NKX2-3: variants seen among roughly 807,000 people sequenced by gnomAD.
NKX2-3 encodes homeobox protein Nkx-2.3.
A neutral mutation model predicts 14.2 loss-of-function variants in NKX2-3; 3 were observed. That is an observed-to-expected ratio of 0.21 (90% CI 0.10 to 0.55). The LOEUF (loss-of-function observed/expected upper bound fraction) is 0.55, where lower values mean the gene tolerates loss of function less well. NKX2-3 is among the 20% of genes least tolerant of loss of function. NKX2-3 has a pLI of 0.94. For missense variants in NKX2-3, 511 were observed against 514.5 expected (o/e 0.99, Z 0.06); for synonymous variants, 276 against 234.2 (o/e 1.18, Z -1.63).
In NKX2-3 at chr10:99,535,727, G is replaced by A; in HGVS notation, c.*6G>A. 6.5e-7 allele frequency: 1 copy of A among 1,530,326 alleles called. No individual in the cohort carries two copies. The highest frequency in any genetic ancestry group is 1.2e-5 in the South Asian group (1 of 83,818). 94.8% of individuals were successfully genotyped at this position (1,530,326 alleles called of 1,614,324 possible). On this transcript the variant is annotated 3_prime_UTR_variant, in exon 2 of 2. Coordinates refer to ENST00000344586, the MANE Select transcript of NKX2-3 (RefSeq NM_145285.3). ...AGGGCATCCGGGCCTGGTAGGGACG[G>A]GGCGGGTCACGCGGCGGGCACCCCA... is the stretch of plus-strand genomic sequence containing the variant.
Position 99,536,019 on chromosome 10 carries a change from C to T in NKX2-3, c.*298C>T, listed in dbSNP as rs1192161120. 1.3e-5 allele frequency: 5 copies of T among 399,096 alleles called. No homozygotes were observed. The highest frequency in any genetic ancestry group is 4.6e-5 in the East Asian group (1 of 21,744). 24.7% of individuals were successfully genotyped at this position (399,096 alleles called of 1,614,324 possible). A position where few individuals can be genotyped will look rare whatever the true frequency, so the allele number is the denominator to read the frequency against. ...GAGACCAGGAGGCTAGGACCCTGGC[C>T]GCGCTTGGTTCTTCCAAAGCGAGAA... On this transcript the variant is annotated 3_prime_UTR_variant, in exon 2 of 2. Coordinates refer to ENST00000344586, the MANE Select transcript of NKX2-3 (RefSeq NM_145285.3).
chr10:99,534,055 G>C (rs1388709622), intron 1 of NKX2-3, among the ~76,000 whole-genome samples: 1 of 152,206 alleles, frequency 6.6e-6, no homozygotes, highest in South Asian at 2.1e-4. Flanking sequence ...CGTGGCACTC[G>C]GTAGAGAGAG....
rs1243812734 is a variant in NKX2-3, at chr10:99,535,595, C to G, written c.969C>G (p.Gly323=). 2 of 1,510,046 alleles carry G rather than the reference C, an allele frequency of 1.3e-6. No individual in the cohort carries two copies. Among genetic ancestry groups the G allele is most frequent in the Admixed American group, 4.2e-5 (2 of 47,860 alleles). 93.5% of individuals were successfully genotyped at this position (1,510,046 alleles called of 1,614,324 possible). A position where few individuals can be genotyped will look rare whatever the true frequency, so the allele number is the denominator to read the frequency against. The part of the protein sequence containing the change: ...MQPACSAAGG[G]PFVNVSNLGG... The stretch of plus-strand genomic sequence containing the variant: ...CCGCCTGCAGCGCGGCCGGAGGCGG[C>G]CCCTTTGTGAACGTGAGCAACCTAG... Residue 323 remains glycine (G), a synonymous_variant, in exon 2 of 2, where the codon GGC becomes GGG. Coordinates refer to ENST00000344586, the MANE Select transcript of NKX2-3 (RefSeq NM_145285.3).
Position 99,535,668 on chromosome 10 carries a change from G to T in NKX2-3, c.1042G>T (p.Ala348Ser). The T allele has an allele frequency of 6.5e-7, 1 of 1,537,430 alleles. No homozygotes were observed. The highest frequency in any genetic ancestry group is 8.7e-7 in the Non-Finnish European group (1 of 1,145,718). Residue 348 changes from alanine (A) to serine (S), a missense_variant, in exon 2 of 2, where the codon GCA (alanine) becomes TCA (serine). Around this residue, in one of 3 missense-constraint regions of NKX2-3, gnomAD observed 264 missense variants for 254.7 expected, o/e 1.04. Transcript: ENST00000344586. ...GSAQPLHQGT[A>S]AGAACAQGTL... ...CGCACAGCCGTTGCACCAGGGTACTGCAGCCGGGGCCGCGTGCGCTCAGGG... is the reference window on the plus strand; with the variant it reads ...CGCACAGCCGTTGCACCAGGGTACTTCAGCCGGGGCCGCGTGCGCTCAGGG...
rs1411936393 is a variant in NKX2-3 at position 99,535,190 on chromosome 10, A to T, written c.564A>T (p.Thr188=). The change falls in exon 2 of 2, where the codon ACA becomes ACT. Residue 188 remains threonine, a synonymous_variant. Coordinates refer to ENST00000344586, the MANE Select transcript of NKX2-3 (RefSeq NM_145285.3). ...ACCTCGCCAGCAGCCTGAAGCTCAC[A>T]TCCACTCAGGTGAAAATCTGGTTCC... is the stretch of plus-strand genomic sequence containing the variant. ...REHLASSLKL[T]STQVKIWFQN... is the part of the protein sequence containing the mutation. The T allele has an allele frequency of 6.2e-7, 1 of 1,613,452 alleles. No homozygotes were observed.
rs1310976755 is a variant in NKX2-3, at chr10:99,535,614, A to G, written c.988A>G (p.Asn330Asp). 5 of 1,518,692 alleles carry G rather than the reference A, an allele frequency of 3.3e-6. No homozygotes were observed. The highest frequency in any genetic ancestry group is 4.4e-6 in the Non-Finnish European group (5 of 1,137,564). The allele number at this position is 1,518,692 out of a possible 1,614,324, so 94.1% of individuals were successfully genotyped here. Residue 330 changes from asparagine (N) to aspartate (D), a missense_variant, in exon 2 of 2, where the codon AAC becomes GAC. Coordinates refer to ENST00000344586, the MANE Select transcript of NKX2-3 (RefSeq NM_145285.3). ...AGGGPFVNVS[N>D]LGGFGSGGSA... is the part of the protein sequence containing the mutation. ...AGGCGGCCCCTTTGTGAACGTGAGC[A>G]ACCTAGGAGGCTTCGGCAGCGGCGG... is the stretch of plus-strand genomic sequence containing the variant.
Position 99,535,439 on chromosome 10 carries a change from C to CGCG in NKX2-3, c.816_818dup (p.Ala286dup), listed in dbSNP as rs768042683. On this transcript the variant is annotated inframe_insertion, in exon 2 of 2. Transcript: ENST00000344586. ...CCGCCTACGGCTATGGGAACTCGGCCGCGGCCGCCGCCGCCGCCGCCGCCG... is the reference window on the plus strand; with the variant it reads ...CCGCCTACGGCTATGGGAACTCGGCCGCGGCGGCCGCCGCCGCCGCCGCCGCCG... 7.9e-7 allele frequency: 1 copy of CGCG among 1,263,916 alleles called. No homozygotes were observed. Among genetic ancestry groups the CGCG allele is most frequent in the South Asian group, 1.8e-5 (1 of 55,934 alleles). The allele number at this position is 1,263,916 out of a possible 1,614,324, so 78.3% of individuals were successfully genotyped here.
chr10:99,535,271 C>G lies in NKX2-3; in HGVS notation c.645C>G (p.Gly215=). ...RQRQDKSLEL[G]AHAPPPPPRR... ...GGCAGGACAAGTCTCTGGAGCTTGG[C>G]GCACACGCGCCCCCGCCGCCGCCGC... Residue 215 remains glycine, a synonymous_variant, in exon 2 of 2, where the codon GGC becomes GGG. Coordinates refer to ENST00000344586, the MANE Select transcript of NKX2-3 (RefSeq NM_145285.3). 2 of 1,600,096 alleles carry G rather than the reference C, an allele frequency of 1.2e-6. No homozygotes were observed. The highest frequency in any genetic ancestry group is 8.5e-7 in the Non-Finnish European group (1 of 1,174,342).
chr10:99,535,772 G>A lies in NKX2-3; in HGVS notation c.*51G>A, dbSNP rs966300123. On this transcript the variant is annotated 3_prime_UTR_variant, in exon 2 of 2. Coordinates refer to ENST00000344586, the MANE Select transcript of NKX2-3 (RefSeq NM_145285.3). ...ACCCCAGCGCAGCCTGGCGCCGCGG[G>A]ACTGAAGCTCGAGAAGGGCCTGACC... The A allele has an allele frequency of 7.3e-6, 11 of 1,501,840 alleles. No individual in the cohort carries two copies. The highest frequency in any genetic ancestry group is 8.8e-6 in the Non-Finnish European group (10 of 1,133,416). The allele number at this position is 1,501,840 out of a possible 1,614,324, so 93.0% of individuals were successfully genotyped here. A position where few individuals can be genotyped will look rare whatever the true frequency, so the allele number is the denominator to read the frequency against.
In NKX2-3 at chr10:99,533,068, C is replaced by T. The variant is rs2033927447; in HGVS notation, c.-64C>T. ...CGGAGTCCAGGAGGAGAGCTGGAGCCGCCGCGCTGCCTCCCCGCCCCCGCC... is the reference window on the plus strand; with the variant it reads ...CGGAGTCCAGGAGGAGAGCTGGAGCTGCCGCGCTGCCTCCCCGCCCCCGCC... On this transcript the variant is annotated 5_prime_UTR_variant, in exon 1 of 2. Transcript: ENST00000344586. 1 of 1,239,240 alleles carries T rather than the reference C, an allele frequency of 8.1e-7. No individual in the cohort carries two copies. Among genetic ancestry groups the T allele is most frequent in the Non-Finnish European group, 1.1e-6 (1 of 881,784 alleles). 76.8% of individuals were successfully genotyped at this position (1,239,240 alleles called of 1,614,324 possible). A position where few individuals can be genotyped will look rare whatever the true frequency, so the allele number is the denominator to read the frequency against.
Position 99,535,733 on chromosome 10 carries a change from GT to G in NKX2-3, c.*13del. 6.5e-7 allele frequency: 1 copy of G among 1,528,928 alleles called. No homozygotes were observed. Among genetic ancestry groups the G allele is most frequent in the Non-Finnish European group, 8.7e-7 (1 of 1,143,642 alleles). 94.7% of individuals were successfully genotyped at this position (1,528,928 alleles called of 1,614,324 possible). ...TCCGGGCCTGGTAGGGACGGGGCGGGTCACGCGGCGGGCACCCCAGCGCAGC... is the reference window on the plus strand; with the variant it reads ...TCCGGGCCTGGTAGGGACGGGGCGGGCACGCGGCGGGCACCCCAGCGCAGC... On this transcript the variant is annotated 3_prime_UTR_variant, in exon 2 of 2. Transcript: ENST00000344586.
Position 99,535,481 on chromosome 10 carries a change from G to T in NKX2-3, c.855G>T (p.Ala285=). ...CCGCCGCCGCCGCCGCAGCAGCGGC[G>T]GCCTACAGCAGCAGCTATGGCTGTG... is the stretch of plus-strand genomic sequence containing the variant. ...AAAAAAAAAA[A]AYSSSYGCAY... The change falls in exon 2 of 2, where the codon GCG becomes GCT. Residue 285 remains alanine, a synonymous_variant. Coordinates refer to ENST00000344586, the MANE Select transcript of NKX2-3 (RefSeq NM_145285.3). 2 of 1,206,942 alleles carry T rather than the reference G, an allele frequency of 1.7e-6. No individual in the cohort carries two copies. The highest frequency in any genetic ancestry group is 1.0e-6 in the Non-Finnish European group (1 of 965,892). 74.8% of individuals were successfully genotyped at this position (1,206,942 alleles called of 1,614,324 possible).
At position 99,535,487 on chromosome 10, in the gene NKX2-3, C is replaced by T; in HGVS notation, c.861C>T (p.Tyr287=). ...AAAAAAAAAA[Y]SSSYGCAYPA... ...CCGCCGCCGCAGCAGCGGCGGCCTA[C>T]AGCAGCAGCTATGGCTGTGCGTACC... The change falls in exon 2 of 2, where the codon TAC becomes TAT. Residue 287 remains tyrosine, a synonymous_variant. Coordinates refer to ENST00000344586, the MANE Select transcript of NKX2-3 (RefSeq NM_145285.3). The T allele has an allele frequency of 8.2e-7, 1 of 1,225,342 alleles. No individual in the cohort carries two copies. Among genetic ancestry groups the T allele is most frequent in the Non-Finnish European group, 1.0e-6 (1 of 977,048 alleles). 75.9% of individuals were successfully genotyped at this position (1,225,342 alleles called of 1,614,324 possible).
Position 99,534,997 on chromosome 10 carries a change from T to G in NKX2-3, c.371T>G (p.Leu124Arg), listed in dbSNP as rs748391470. ...GCTTCTTCCGCAGAAAGCTGCCAGC[T>G]GAAGAAGTCTCTAGAGACGGCCGGA... ...VRDRSQKSCQ[L>R]KKSLETAGDC... The change falls in exon 2 of 2, where the codon CTG becomes CGG. Residue 124 changes from leucine to arginine, a missense_variant. Leu to Arg is a moderately radical substitution (Grantham distance 102, BLOSUM62 -2). Transcript: ENST00000344586. The G allele has an allele frequency of 6.2e-7, 1 of 1,600,318 alleles. No homozygotes were observed. Among genetic ancestry groups the G allele is most frequent in the Admixed American group, 1.7e-5 (1 of 58,476 alleles).
At position 99,535,055 on chromosome 10, in the gene NKX2-3, G is replaced by A; in HGVS notation, c.429G>A (p.Pro143=). ...AGGCGGCGGAGGAGAGCGAGAGGCC[G>A]AAGCCACGCAGCCGCCGGAAGCCCC... ...DCKAAEESER[P]KPRSRRKPRV... The change falls in exon 2 of 2, where the codon CCG becomes CCA. Residue 143 remains proline (P), a synonymous_variant. Coordinates refer to ENST00000344586, the MANE Select transcript of NKX2-3 (RefSeq NM_145285.3). 2 of 1,606,722 alleles carry A rather than the reference G, an allele frequency of 1.2e-6. No homozygotes were observed. Among genetic ancestry groups the A allele is most frequent in the East Asian group, 2.2e-5 (1 of 44,580 alleles).
Position 99,533,073 on chromosome 10 carries a change from C to T in NKX2-3, c.-59C>T. ...TCCAGGAGGAGAGCTGGAGCCGCCGCGCTGCCTCCCCGCCCCCGCCGGGAT... is the reference window on the plus strand; with the variant it reads ...TCCAGGAGGAGAGCTGGAGCCGCCGTGCTGCCTCCCCGCCCCCGCCGGGAT... On this transcript the variant is annotated 5_prime_UTR_variant, in exon 1 of 2. Coordinates refer to ENST00000344586, the MANE Select transcript of NKX2-3 (RefSeq NM_145285.3). 1.5e-6 allele frequency: 2 copies of T among 1,296,078 alleles called. No individual in the cohort carries two copies. Among genetic ancestry groups the T allele is most frequent in the East Asian group, 2.3e-5 (1 of 42,872 alleles). The allele number at this position is 1,296,078 out of a possible 1,614,324, so 80.3% of individuals were successfully genotyped here.
chr10:99,535,137 C>T lies in NKX2-3; in HGVS notation c.511C>T (p.Arg171Trp), dbSNP rs1357506531. ...GCTGGAACGCAGGTTCAAGCAGCAGCGGTACCTGTCGGCACCCGAGCGCGA... is the reference window on the plus strand; with the variant it reads ...GCTGGAACGCAGGTTCAAGCAGCAGTGGTACCTGTCGGCACCCGAGCGCGA... ...FELERRFKQQ[R>W]YLSAPEREHL... is the part of the protein sequence containing the mutation. Residue 171 changes from arginine (R) to tryptophan (W), a missense_variant, in exon 2 of 2, where the codon CGG (arginine) becomes TGG (tryptophan). Arg to Trp is a moderately radical substitution (Grantham distance 101). Coordinates refer to ENST00000344586, the MANE Select transcript of NKX2-3 (RefSeq NM_145285.3). The T allele has an allele frequency of 1.2e-6, 2 of 1,612,856 alleles. No homozygotes were observed. The highest frequency in any genetic ancestry group is 1.1e-5 in the South Asian group (1 of 90,870).
intron 1 of NKX2-3, among the ~76,000 whole-genome samples, 188 bp from the exon 2 acceptor site, chr10:99,534,797 G>A (rs2033947784): frequency 6.6e-6 from 1 of 152,218 alleles, no homozygotes; most frequent in Non-Finnish European, 1.5e-5. Flanking sequence ...CGCCTGCTAA[G>A]GGCGTTCTTT....
At position 99,535,813 on chromosome 10, in the gene NKX2-3, CT is replaced by C; in HGVS notation, c.*93del. The stretch of plus-strand genomic sequence containing the variant: ...GGGCCTGACCTAAAGGTCAGGTCCC[CT>C]CGTTAAAAAAATATGTACGTCTAGC... On this transcript the variant is annotated 3_prime_UTR_variant, in exon 2 of 2. Transcript: ENST00000344586. 1.5e-6 allele frequency: 2 copies of C among 1,373,520 alleles called. No homozygotes were observed. Among genetic ancestry groups the C allele is most frequent in the Non-Finnish European group, 1.9e-6 (2 of 1,048,004 alleles). The allele number at this position is 1,373,520 out of a possible 1,614,324, so 85.1% of individuals were successfully genotyped here. A position where few individuals can be genotyped will look rare whatever the true frequency, so the allele number is the denominator to read the frequency against.
Sources: gnomAD v4.1 joint callset for allele counts (sites outside exome capture counted in the v4.1 genomes callset) on GRCh38, gnomAD v4.1.1 for gene constraint, gnomAD v4.1.1 regional missense constraint, MANE v1.5 for transcripts, NCBI Gene and HGNC (gene_info 2026-07-23, HGNC 2026-07-21) for gene names.